DENND5B: variants seen among roughly 807,000 people sequenced by gnomAD.
DENND5B encodes DENN domain containing 5B.
A neutral mutation model predicts 140.6 loss-of-function variants in DENND5B; 34 were observed. The observed-to-expected ratio is 0.24, with a 90% CI of 0.18 to 0.32. DENND5B has a LOEUF of 0.32. Among genes scored for constraint, DENND5B ranks in the 10% least tolerant of loss-of-function variants. The pLI is 1.00. For synonymous variants in DENND5B, 551 were observed against 562.1 expected, an observed-to-expected ratio of 0.98 and a Z score of 0.28; for missense variants, 1,142 against 1,560.2, an observed-to-expected ratio of 0.73 and a Z score of 4.52.
At chr12:31,424,120 GGAA>G (rs1272517620) in intron 10 of DENND5B, among the ~76,000 whole-genome samples, 3 of 152,122 alleles carry the variant, frequency 2.0e-5, no homozygotes, top group Non-Finnish European at 4.4e-5. Context: ...AGAGAAAAAG[GGAA>G]GAAGAAAGAA....
intron 18 of DENND5B, 42 bp from the exon 19 acceptor site, chr12:31,392,435 A>C (rs1941195729): frequency 6.2e-7 from 1 of 1,605,594 alleles, no homozygotes; most frequent in Admixed American, 1.7e-5. Context: ...AATCTCCTGC[A>C]TCTATGTCTA....
intron 11 of DENND5B, among the ~76,000 whole-genome samples, chr12:31,416,837 C>T (rs752184574): frequency 4.0e-5 from 6 of 150,082 alleles, no homozygotes; most frequent in Non-Finnish European, 7.4e-5. Flanking sequence ...CTGGACTACA[C>T]AGAAAGACCC....
Position 31,479,697 on chromosome 12 carries a change from G to A in DENND5B, c.796C>T (p.Leu266Phe), listed in dbSNP as rs371858433. ...CQRPGPSELP[L>F]SDYPLREAFE... is the part of the protein sequence containing the mutation. ...GCCTCCCGAAGGGGGTAATCAGAGA[G>A]GGGGAGTTCACTGGGCCCAGGCCTC... Residue 266 changes from leucine (L) to phenylalanine (F), a missense_variant, in exon 3 of 21, where the codon CTC becomes TTC. Around this residue, in one of 5 missense-constraint regions of DENND5B, gnomAD observed 708 missense variants for 905.5 expected, o/e 0.78. Transcript: ENST00000389082. 2.5e-6 allele frequency: 4 copies of A among 1,595,020 alleles called. No homozygotes were observed. The highest frequency in any genetic ancestry group is 3.4e-6 in the Non-Finnish European group (4 of 1,170,720).
intron 1 of DENND5B, among the ~76,000 whole-genome samples, chr12:31,551,578 T>G (rs139191857): frequency 6.6e-6 from 1 of 152,164 alleles, no homozygotes; most frequent in East Asian, 1.9e-4. Flanking sequence ...AACTTTAAAG[T>G]AGTTTTTTCC....
intron 4 of DENND5B, among the ~76,000 whole-genome samples, chr12:31,457,285 T>G (rs546420700): frequency 2.6e-5 from 4 of 152,304 alleles, no homozygotes; most frequent in Admixed American, 6.5e-5. Context: ...TCCTACTCCC[T>G]AAAAAACAGT....
chr12:31,433,046 G>T, intron 8 of DENND5B, 109 bp downstream of exon 8: 4 of 834,984 alleles, frequency 4.8e-6, no homozygotes, highest in Admixed American at 5.2e-5. Context: ...TAACTAAACA[G>T]TTTTTTTTTT....
chr12:31,539,444 A>G (rs548564815), intron 1 of DENND5B, among the ~76,000 whole-genome samples: 11 of 152,344 alleles, frequency 7.2e-5, no homozygotes, highest in African/African-American at 2.6e-4. Flanking sequence ...TTACAGACCA[A>G]TATCACTGAT....
chr12:31,537,091 T>C (rs1407018991), intron 1 of DENND5B, among the ~76,000 whole-genome samples: 1 of 151,438 alleles, frequency 6.6e-6, no homozygotes, highest in African/African-American at 2.4e-5. Flanking sequence ...TGTACTTCAA[T>C]CAGAAAGAAA....
intron 6 of DENND5B, among the ~76,000 whole-genome samples, chr12:31,446,752 G>A (rs1223835324): frequency 7.9e-5 from 12 of 151,662 alleles, no homozygotes; most frequent in Non-Finnish European, 1.6e-4. Context: ...AAAATTAGCC[G>A]GGTGTGGTGG....
At chr12:31,404,202 G>C (rs955631968) in intron 14 of DENND5B, among the ~76,000 whole-genome samples, 1 of 152,162 alleles carries the variant, frequency 6.6e-6, no homozygotes, top group African/African-American at 2.4e-5. Context: ...TCCAGCCTGG[G>C]CAACACAGCG....
Position 31,569,116 on chromosome 12 carries a change from G to C in DENND5B, c.127+21590C>G, listed in dbSNP as rs185701640. Among the ~76,000 whole-genome samples the C allele has an allele frequency of 5.5e-5, 8 of 145,750 alleles. No individual in the cohort carries two copies. The East Asian group carries it at 1.6e-3, about 29-fold the overall frequency. The stretch of plus-strand genomic sequence containing the variant: ...GGGTCTTACTGTGTCACCCAGGCTG[G>C]AGTACAGTGGTGAAATCTAGGCTCA... On this transcript the variant is annotated intron_variant, in intron 1 of 20. Transcript: ENST00000389082.
Position 31,405,511 on chromosome 12 carries a change from CATGTATGTATGTATGTATGT to C in DENND5B, c.2804-2888_2804-2869del, listed in dbSNP as rs55808642. Among the ~76,000 whole-genome samples the C allele has an allele frequency of 2.5e-4, 36 of 144,702 alleles. No individual in the cohort carries two copies. In the East Asian group the frequency reaches 3.8e-3, roughly 15 times the overall value. 94.9% of individuals were successfully genotyped at this position (144,702 alleles called of 152,430 possible). Reference sequence around the variant, plus strand: ...AAGACTACCGGCATGAGCCACCTGCCATGTATGTATGTATGTATGTATGTATGTATGTATGTATGTATGTA... The same window carrying C: ...AAGACTACCGGCATGAGCCACCTGCCATGTATGTATGTATGTATGTATGTA... On this transcript the variant is annotated intron_variant, in intron 14 of 20. Transcript: ENST00000389082.
At chr12:31,491,102 A>G (rs1371931277) in intron 2 of DENND5B, among the ~76,000 whole-genome samples, 1 of 152,234 alleles carries the variant, frequency 6.6e-6, no homozygotes, top group African/African-American at 2.4e-5. Context: ...ATGGATGCCA[A>G]TAAGCAGATT....
intron 1 of DENND5B, among the ~76,000 whole-genome samples, chr12:31,552,981 C>T (rs1442835564): frequency 6.6e-6 from 1 of 152,076 alleles, no homozygotes; most frequent in East Asian, 1.9e-4. Flanking sequence ...TGCTAGCGGT[C>T]TGTCAATTTT....
At chr12:31,393,405 C>T (rs1277111057) in intron 17 of DENND5B, among the ~76,000 whole-genome samples, 9 of 152,222 alleles carry the variant, frequency 5.9e-5, no homozygotes, top group Admixed American at 1.3e-4. Context: ...AGCACTGCTT[C>T]CTTCTGCCAG....
intron 1 of DENND5B, among the ~76,000 whole-genome samples, chr12:31,546,721 T>C (rs1444807468): frequency 2.0e-5 from 3 of 152,146 alleles, no homozygotes; most frequent in Non-Finnish European, 4.4e-5. Context: ...AAAATTATTC[T>C]GCATTTAAAA....
At chr12:31,485,890 C>T (rs1446232660) in intron 2 of DENND5B, among the ~76,000 whole-genome samples, 1 of 152,196 alleles carries the variant, frequency 6.6e-6, no homozygotes, top group Non-Finnish European at 1.5e-5. Flanking sequence ...AGCTATATGC[C>T]TGGTCCAGGA....
At chr12:31,393,148 C>T (rs550229145) in intron 17 of DENND5B, among the ~76,000 whole-genome samples, 3 of 152,242 alleles carry the variant, frequency 2.0e-5, no homozygotes, top group South Asian at 2.1e-4. Flanking sequence ...TACCCACCTA[C>T]GAGCCTGTTA....
chr12:31,454,747 T>C (rs1944691693), intron 4 of DENND5B, among the ~76,000 whole-genome samples: 1 of 146,854 alleles, frequency 6.8e-6, no homozygotes, highest in African/African-American at 2.5e-5. Context: ...CTGGCCGGCC[T>C]ACACCATTCT....
Sources: allele counts gnomAD v4.1 joint callset (sites outside exome capture counted in the v4.1 genomes callset), GRCh38; gene constraint gnomAD v4.1.1; regional missense constraint gnomAD v4.1.1; transcripts MANE v1.5; gene names NCBI Gene and HGNC (gene_info 2026-07-23, HGNC 2026-07-21).